The following UBE2D1 variants were observed in gnomAD, a reference collection of about 807,000 sequenced individuals.
The protein encoded by UBE2D1 is ubiquitin conjugating enzyme E2 D1, also known as ubiquitin-conjugating enzyme E2 D1.
UBE2D1 carries 9 observed loss-of-function variants against 24.6 expected under a neutral mutation model. The ratio of observed to expected loss-of-function variants is 0.37; its 90% CI spans 0.22 to 0.64. The LOEUF is 0.64. UBE2D1 is among the 30% of genes least tolerant of loss of function. The pLI is 0.64. For missense variants in UBE2D1, 87 were observed against 177.1 expected (o/e 0.49, Z 2.89); for synonymous variants, 57 against 57.6 (o/e 0.99, Z 0.04).
chr10:58,368,643 A>G (rs371071761), intron 6 of UBE2D1, 77 bp from the exon 7 acceptor site: 38 of 982,572 alleles, frequency 3.9e-5, no homozygotes, highest in Non-Finnish European at 5.2e-5. Context: ...AAGGTAGAAT[A>G]TATAGTTTTA....
intron 1 of UBE2D1, among the ~76,000 whole-genome samples, chr10:58,336,000 T>C (rs777595751): frequency 3.3e-5 from 5 of 152,234 alleles, no homozygotes; most frequent in African/African-American, 7.2e-5. Context: ...ATAAATTGTT[T>C]TGATGCTTTG....
At chr10:58,343,108 A>G (rs991047803) in intron 1 of UBE2D1, among the ~76,000 whole-genome samples, 1 of 152,100 alleles carries the variant, frequency 6.6e-6, no homozygotes, top group Non-Finnish European at 1.5e-5. Flanking sequence ...GACTTGTTTT[A>G]TGACCCAGCC....
rs758451607 is a variant in UBE2D1, at chr10:58,364,869, A to G, written c.297A>G (p.Val99=). Residue 99 remains valine (V), a synonymous_variant, in exon 5 of 7, where the codon GTA becomes GTG. Transcript: ENST00000373910. ...CACAATGGTCACCAGCTCTGACTGT[A>G]TCAAAAGGTAATTTCATTGATCAGG... The part of the protein sequence containing the change: ...LRSQWSPALT[V]SKVLLSICSL... The G allele has an allele frequency of 5.6e-6, 9 of 1,610,990 alleles. No homozygotes were observed. The East Asian group carries it at 2.0e-4, about 36-fold the overall frequency.
intron 1 of UBE2D1, among the ~76,000 whole-genome samples, chr10:58,353,422 G>A (rs566101424): frequency 6.3e-4 from 96 of 152,192 alleles, no homozygotes; most frequent in African/African-American, 2.3e-3. Flanking sequence ...GTTAGAAGAC[G>A]ACTTACTTTG....
intron 1 of UBE2D1, among the ~76,000 whole-genome samples, chr10:58,355,899 G>C (rs921405194): frequency 2.0e-5 from 3 of 151,900 alleles, no homozygotes; most frequent in Non-Finnish European, 4.4e-5. Context: ...GATCCAATCT[G>C]GGATCCCACA....
At chr10:58,358,310 C>T (rs1160738818) in intron 1 of UBE2D1, among the ~76,000 whole-genome samples, 2 of 152,080 alleles carry the variant, frequency 1.3e-5, no homozygotes, top group Admixed American at 6.5e-5. Flanking sequence ...AAAGAAGTCC[C>T]ATTTACACTA....
rs568501613 is a variant in UBE2D1 at position 58,339,772 on chromosome 10, C to T, written c.24+4547C>T. 6.6e-4 allele frequency among the ~76,000 whole-genome samples: 90 copies of T among 136,644 alleles called. 4 individuals carry two copies. In the South Asian group the frequency reaches 0.016, roughly 25 times the overall value. The allele number at this position is 136,644 out of a possible 152,430, so 89.6% of individuals were successfully genotyped here. Reference sequence around the variant, plus strand: ...ATTCCACATTCCTTTTTTTTTTTTTCAGTCTTAGAATCTTTTATTTAATAC... The same window carrying T: ...ATTCCACATTCCTTTTTTTTTTTTTTAGTCTTAGAATCTTTTATTTAATAC... On this transcript the variant is annotated intron_variant, in intron 1 of 6. Transcript: ENST00000373910.
intron 1 of UBE2D1, among the ~76,000 whole-genome samples, chr10:58,357,564 A>G (rs1022158052): frequency 1.3e-5 from 2 of 152,132 alleles, no homozygotes; most frequent in African/African-American, 4.8e-5. Flanking sequence ...TTTCCAAAAT[A>G]TCTTCATTTT....
intron 5 of UBE2D1, among the ~76,000 whole-genome samples, chr10:58,366,104 A>G (rs951711674): frequency 1.3e-5 from 2 of 152,118 alleles, no homozygotes; most frequent in South Asian, 2.1e-4. Flanking sequence ...TGAAGGGTTA[A>G]TTCAAGTTCA....
intron 1 of UBE2D1, among the ~76,000 whole-genome samples, chr10:58,336,763 A>G (rs865783409): frequency 6.6e-6 from 1 of 151,996 alleles, no homozygotes; most frequent in African/African-American, 2.4e-5. Context: ...AAGTTTTCAA[A>G]TTCTATTTCC....
At chr10:58,347,750 C>T (rs1451543033) in intron 1 of UBE2D1, among the ~76,000 whole-genome samples, 2 of 150,720 alleles carry the variant, frequency 1.3e-5, no homozygotes, top group East Asian at 2.0e-4. Context: ...TGGGTTCAAG[C>T]GATTCTTCTG....
intron 1 of UBE2D1, among the ~76,000 whole-genome samples, chr10:58,350,410 T>A (rs377667116): frequency 2.6e-5 from 4 of 152,172 alleles, no homozygotes; most frequent in African/African-American, 9.7e-5. Flanking sequence ...ATTGGCCATT[T>A]GGGTAGCTTC....
chr10:58,342,154 T>G (rs550687070), intron 1 of UBE2D1, among the ~76,000 whole-genome samples: 32 of 152,306 alleles, frequency 2.1e-4, no homozygotes, highest in African/African-American at 7.2e-4. Flanking sequence ...GTTCCAGGAT[T>G]GTCCTTAGTA....
At chr10:58,364,019 A>G (rs1253421968) in intron 4 of UBE2D1, among the ~76,000 whole-genome samples, 2 of 148,666 alleles carry the variant, frequency 1.3e-5, no homozygotes, top group Admixed American at 6.7e-5. Flanking sequence ...AAAGTTGATC[A>G]TTCTTTCTCT....
chr10:58,347,203 G>A (rs960168624), intron 1 of UBE2D1, among the ~76,000 whole-genome samples: 1 of 152,170 alleles, frequency 6.6e-6, no homozygotes, highest in Non-Finnish European at 1.5e-5. Flanking sequence ...CCTTTCAGAG[G>A]GAGGGATCTA....
chr10:58,344,556 TTG>T (rs1839996080), intron 1 of UBE2D1, among the ~76,000 whole-genome samples: 1 of 152,168 alleles, frequency 6.6e-6, no homozygotes, highest in African/African-American at 2.4e-5. Flanking sequence ...ACACTGAGCT[TTG>T]GCACTGTGCT....
At chr10:58,360,406 A>G (rs1021407934) in intron 1 of UBE2D1, among the ~76,000 whole-genome samples, 2 of 151,922 alleles carry the variant, frequency 1.3e-5, no homozygotes, top group Non-Finnish European at 2.9e-5. Context: ...GAGATCTATT[A>G]GAACTGGAAT....
chr10:58,355,502 G>T (rs1487582597), intron 1 of UBE2D1, among the ~76,000 whole-genome samples: 2 of 152,110 alleles, frequency 1.3e-5, no homozygotes, highest in African/African-American at 4.8e-5. Context: ...TATAAATATA[G>T]TACATCTGAT....
At chr10:58,365,130 T>G (rs1290493871) in intron 5 of UBE2D1, among the ~76,000 whole-genome samples, 1 of 152,214 alleles carries the variant, frequency 6.6e-6, no homozygotes, top group East Asian at 1.9e-4. Flanking sequence ...AATTTGGGGA[T>G]AAACCTATTG....
Sources: allele counts gnomAD v4.1 joint callset (sites outside exome capture counted in the v4.1 genomes callset), GRCh38; gene constraint gnomAD v4.1.1; transcripts MANE v1.5; gene names NCBI Gene and HGNC (gene_info 2026-07-23, HGNC 2026-07-21).